Variants in RBFOX1 observed in about 807,000 individuals in gnomAD.
RBFOX1 encodes the protein RNA binding fox-1 homolog 1, also known as RNA binding protein fox-1 homolog 1.
In RBFOX1, 8 loss-of-function variants were observed where a neutral mutation model predicts 57.7. That is an observed-to-expected ratio of 0.14 (90% CI 0.08 to 0.25). The LOEUF (loss-of-function observed/expected upper bound fraction) is 0.25. Ranked by LOEUF, RBFOX1 falls within the 10% of genes least tolerant of loss-of-function variation. The probability of loss-of-function intolerance (pLI) is 1.00; values close to 1 mark genes in which losing one functional copy is unlikely to be tolerated. For missense variants in RBFOX1, 611 were observed against 548.5 expected (o/e 1.11, Z -1.14); for synonymous variants, 326 against 222.4 (o/e 1.47, Z -4.15).
At chr16:7,316,963 A>AACACACACACACACACAC (rs112548867) in intron 4 of RBFOX1, among the ~76,000 whole-genome samples, 79 of 147,000 alleles carry the variant, frequency 5.4e-4, no homozygotes, top group African/African-American at 1.5e-3. Context: ...AAGAAGACAG[A>AACACACACACACACACAC]ACACACACAC....
At chr16:5,793,480 A>C (rs1190422424) in intron 3 of RBFOX1, among the ~76,000 whole-genome samples, 1 of 152,204 alleles carries the variant, frequency 6.6e-6, no homozygotes, top group East Asian at 1.9e-4. Context: ...AGGTCCAGGA[A>C]GCTGATGTGG....
At chr16:5,979,562 G>A (rs2060132349) in intron 4 of RBFOX1, among the ~76,000 whole-genome samples, 2 of 152,138 alleles carry the variant, frequency 1.3e-5, no homozygotes, top group South Asian at 4.1e-4. Context: ...GTTTCACCAC[G>A]TAGAAATTAA....
chr16:7,514,333 G>A (rs1276353785), intron 4 of RBFOX1, among the ~76,000 whole-genome samples: 17 of 152,152 alleles, frequency 1.1e-4, no homozygotes, highest in Admixed American at 1.1e-3. Flanking sequence ...ATCTCCTGCT[G>A]CCAGACTAGG....
chr16:6,577,275 T>C (rs1334131287), intron 2 of RBFOX1: 1 of 152,216 alleles, frequency 6.6e-6, no homozygotes, highest in South Asian at 2.1e-4. Context: ...AACATCATAC[T>C]AATGGAACAC....
At chr16:7,637,847 ACCT>A (rs1373984189) in intron 11 of RBFOX1, among the ~76,000 whole-genome samples, 6 of 152,196 alleles carry the variant, frequency 3.9e-5, no homozygotes, top group Admixed American at 1.3e-4. Context: ...GTATCCAAAT[ACCT>A]CATAAATAGC....
chr16:6,634,646 T>C (rs1376655887), intron 2 of RBFOX1, among the ~76,000 whole-genome samples: 1 of 129,208 alleles, frequency 7.7e-6, no homozygotes, highest in Non-Finnish European at 1.7e-5. Flanking sequence ...AATTACATTA[T>C]ATAATACAAA....
chr16:5,767,141 G>A (rs930376422), intron 3 of RBFOX1, among the ~76,000 whole-genome samples: 5 of 152,182 alleles, frequency 3.3e-5, no homozygotes, highest in Non-Finnish European at 5.9e-5. Flanking sequence ...ACCTAGGGCC[G>A]GGCATTCAGT....
At chr16:5,435,036 G>C (rs1180240247) in intron 1 of RBFOX1, among the ~76,000 whole-genome samples, 1 of 152,156 alleles carries the variant, frequency 6.6e-6, no homozygotes, top group East Asian at 1.9e-4. Context: ...TTTGTTTATA[G>C]ATTGATTTTA....
chr16:5,694,061 T>A (rs2050774299), intron 3 of RBFOX1, among the ~76,000 whole-genome samples: 1 of 152,180 alleles, frequency 6.6e-6, no homozygotes, highest in African/African-American at 2.4e-5. Context: ...TGAGCTCAGC[T>A]CTCATTTTGC....
rs138890346 is a variant in RBFOX1 at position 5,961,580 on chromosome 16, T to G, written c.351+94245T>G. On this transcript the variant is annotated intron_variant, in intron 4 of 19. Coordinates refer to the RBFOX1 transcript ENST00000641259. ...CTATCACCCAGGGTAAGTGCAGTGG[T>G]GCAATCATGGCTCACTGCAGCCTCA... 1.6e-4 allele frequency among the ~76,000 whole-genome samples: 25 copies of G among 152,276 alleles called. 1 individual carries two copies. The East Asian group carries it at 4.8e-3, about 29-fold the overall frequency.
intron 3 of RBFOX1, among the ~76,000 whole-genome samples, chr16:6,703,717 A>C (rs1489707492): frequency 6.6e-6 from 1 of 151,936 alleles, no homozygotes; most frequent in Non-Finnish European, 1.5e-5. Context: ...AAAAGAAAAA[A>C]AAGAAAAGAA....
At chr16:6,638,219 G>T (rs2098460428) in intron 2 of RBFOX1, among the ~76,000 whole-genome samples, 1 of 152,124 alleles carries the variant, frequency 6.6e-6, no homozygotes, top group South Asian at 2.1e-4. Flanking sequence ...TGGCATTTGG[G>T]AAAGAGGGTG....
chr16:6,027,445 A>G (rs2095217576), intron 1 of RBFOX1, among the ~76,000 whole-genome samples: 1 of 152,170 alleles, frequency 6.6e-6, no homozygotes, highest in Non-Finnish European at 1.5e-5. Flanking sequence ...GAGATTCCAG[A>G]ATCAGTGTGT....
intron 1 of RBFOX1, among the ~76,000 whole-genome samples, chr16:5,244,962 C>G (rs921506407): frequency 2.0e-5 from 3 of 152,180 alleles, no homozygotes; most frequent in Non-Finnish European, 4.4e-5. Context: ...AACATTTAAC[C>G]GCAGGGCTGG....
At chr16:6,465,140 AT>A (rs1287822735) in intron 2 of RBFOX1, among the ~76,000 whole-genome samples, 3 of 152,028 alleles carry the variant, frequency 2.0e-5, no homozygotes, top group African/African-American at 7.3e-5. Flanking sequence ...ATTAATCTCC[AT>A]TTTCTTGTTT....
At chr16:6,909,681 G>C (rs999533882) in intron 3 of RBFOX1, among the ~76,000 whole-genome samples, 3 of 152,188 alleles carry the variant, frequency 2.0e-5, no homozygotes, top group Non-Finnish European at 4.4e-5. Context: ...GGAATCCTAT[G>C]TGCCTAACAC....
At chr16:6,239,782 C>T (rs1380718657) in intron 1 of RBFOX1, among the ~76,000 whole-genome samples, 1 of 152,116 alleles carries the variant, frequency 6.6e-6, no homozygotes, top group African/African-American at 2.4e-5. Context: ...CAGGGGTGAG[C>T]CACCATGCCC....
chr16:6,611,192 GC>G (rs1355040728), intron 2 of RBFOX1, among the ~76,000 whole-genome samples: 1 of 152,160 alleles, frequency 6.6e-6, no homozygotes, highest in East Asian at 1.9e-4. Flanking sequence ...TGTCACCCAG[GC>G]TGGAGTATAA....
intron 2 of RBFOX1, among the ~76,000 whole-genome samples, chr16:6,640,877 A>G (rs1312871377): frequency 6.6e-6 from 1 of 152,246 alleles, no homozygotes; most frequent in East Asian, 1.9e-4. Flanking sequence ...ACCCAAAACA[A>G]GCAACATGAA....
Sources: allele counts gnomAD v4.1 joint callset (sites outside exome capture counted in the v4.1 genomes callset), GRCh38; gene constraint gnomAD v4.1.1; transcripts MANE v1.5; gene names NCBI Gene and HGNC (gene_info 2026-07-23, HGNC 2026-07-21).